DPP6: variants seen among roughly 807,000 people sequenced by gnomAD.
DPP6 encodes the protein A-type potassium channel modulatory protein DPP6.
Under a neutral mutation model 122.6 loss-of-function variants are expected in DPP6, and 69 were observed. That is an observed-to-expected ratio of 0.56 (90% CI 0.46 to 0.69). The LOEUF is 0.69. Ranked by LOEUF, DPP6 falls within the 30% of genes least tolerant of loss-of-function variation. DPP6 has a pLI of 0.00. For synonymous variants in DPP6, 418 were observed against 433.1 expected, an observed-to-expected ratio of 0.97 and a Z score of 0.43; for missense variants, 928 against 1,116.9, an observed-to-expected ratio of 0.83 and a Z score of 2.41.
chr7:154,374,951 T>C (rs1469681667), intron 1 of DPP6, among the ~76,000 whole-genome samples: 1 of 152,206 alleles, frequency 6.6e-6, no homozygotes, highest in African/African-American at 2.4e-5. Context: ...CAAATATCTC[T>C]AAGTACTCAT....
At chr7:153,999,980 GAAA>G (rs3980025) in intron 1 of DPP6, among the ~76,000 whole-genome samples, 99 of 143,080 alleles carry the variant, frequency 6.9e-4, no homozygotes, top group Middle Eastern at 7.0e-3. Context: ...AAGAAAGAAA[GAAA>G]AAAAAAACTC....
chr7:154,273,253 G>T (rs957936333), intron 1 of DPP6, among the ~76,000 whole-genome samples: 3 of 152,148 alleles, frequency 2.0e-5, no homozygotes, highest in Admixed American at 6.5e-5. Flanking sequence ...CGACACTATG[G>T]TGAAGGAGGC....
chr7:153,887,407 T>C, exon 1 of DPP6: 1 of 339,502 alleles, frequency 2.9e-6, no homozygotes, highest in Non-Finnish European at 5.4e-6. Context: ...CCTGGCTTTT[T>C]GTTTAAAGCA....
intron 1 of DPP6, among the ~76,000 whole-genome samples, chr7:154,008,571 C>A (rs528487274): frequency 6.6e-6 from 1 of 152,190 alleles, no homozygotes; most frequent in African/African-American, 2.4e-5. Flanking sequence ...ATCCTGAGAA[C>A]CTTCTCTCTG....
the DPP6 span, among the ~76,000 whole-genome samples, chr7:153,820,984 T>C: frequency 6.7e-6 from 1 of 149,216 alleles, no homozygotes; most frequent in Non-Finnish European, 1.5e-5. Context: ...ACCGGCAAAA[T>C]TGCTTTTCTC....
intron 16 of DPP6, among the ~76,000 whole-genome samples, chr7:154,817,706 G>A (rs1412991538): frequency 6.6e-6 from 1 of 152,076 alleles, no homozygotes; most frequent in African/African-American, 2.4e-5. Context: ...TGAGCATCAT[G>A]AGTGATTGAT....
At chr7:154,806,746 C>G (rs1798718739) in intron 15 of DPP6, among the ~76,000 whole-genome samples, 1 of 152,180 alleles carries the variant, frequency 6.6e-6, no homozygotes, top group South Asian at 2.1e-4. Context: ...TGACTGCCTT[C>G]CAGCCCTCCC....
the DPP6 span, among the ~76,000 whole-genome samples, chr7:153,870,682 G>A: frequency 2.4e-4 from 37 of 152,268 alleles, 1 homozygote; most frequent in South Asian, 4.6e-3. Flanking sequence ...GCTCTGTTCC[G>A]TTGCTGGTGA....
chr7:153,845,336 C>T, the DPP6 span, among the ~76,000 whole-genome samples: 695 of 152,048 alleles, frequency 4.6e-3, 2 homozygotes, highest in South Asian at 0.011. Flanking sequence ...TTGAAGCCCT[C>T]GTTTCATAAA....
intron 4 of DPP6, among the ~76,000 whole-genome samples, chr7:154,554,736 A>G (rs1466144335): frequency 6.6e-6 from 1 of 152,190 alleles, no homozygotes; most frequent in African/African-American, 2.4e-5. Flanking sequence ...GTATATACCC[A>G]TCTCTCTAGT....
At chr7:153,819,903 T>A in the DPP6 span, among the ~76,000 whole-genome samples, 1 of 152,224 alleles carries the variant, frequency 6.6e-6, no homozygotes, top group Non-Finnish European at 1.5e-5. Context: ...TTTTTCTTCT[T>A]TATATTTTGC....
At chr7:154,100,194 T>TTTTATTTTTTA (rs1161542216) in intron 1 of DPP6, among the ~76,000 whole-genome samples, 1 of 106,920 alleles carries the variant, frequency 9.4e-6, no homozygotes, top group Admixed American at 1.0e-4. Flanking sequence ...GAAGTGGGAG[T>TTTTATTTTTTA]TTTATTTTTT....
At chr7:154,882,465 G>A (rs1980351) in intron 21 of DPP6, among the ~76,000 whole-genome samples, 43,422 of 152,064 alleles carry the variant, frequency 0.29, 6,459 homozygotes, top group East Asian at 0.44. Flanking sequence ...AGAATAAAGC[G>A]TCAATCCTTT....
chr7:153,823,221 C>T, the DPP6 span, among the ~76,000 whole-genome samples: 1 of 137,172 alleles, frequency 7.3e-6, no homozygotes, highest in African/African-American at 3.6e-5. Flanking sequence ...ATTTAATTTG[C>T]AAGCTCTCCA....
At chr7:154,564,513 T>G (rs1351056481) in intron 4 of DPP6, among the ~76,000 whole-genome samples, 1 of 152,156 alleles carries the variant, frequency 6.6e-6, no homozygotes, top group Non-Finnish European at 1.5e-5. Flanking sequence ...CCAAAAACAT[T>G]TTTGAAAAAG....
intron 1 of DPP6, among the ~76,000 whole-genome samples, chr7:154,248,658 G>A (rs1802145741): frequency 6.6e-6 from 1 of 152,142 alleles, no homozygotes; most frequent in Non-Finnish European, 1.5e-5. Flanking sequence ...TTGACATCAG[G>A]AGTCTGAGAG....
chr7:154,539,217 T>G (rs1266801920), intron 3 of DPP6, among the ~76,000 whole-genome samples: 15 of 152,196 alleles, frequency 9.9e-5, no homozygotes, highest in Admixed American at 9.8e-4. Context: ...CCTCTCAACC[T>G]GCAACCCTAC....
intron 15 of DPP6, among the ~76,000 whole-genome samples, chr7:154,806,001 GC>G (rs1279903152): frequency 2.6e-5 from 4 of 152,220 alleles, no homozygotes. Context: ...ACATTGGGAA[GC>G]CCCCCTGGTG....
Position 154,284,506 on chromosome 7 carries a change from C to T in DPP6, c.244-161708C>T, listed in dbSNP as rs149954778. 5.5e-3 allele frequency among the ~76,000 whole-genome samples: 837 copies of T among 152,264 alleles called. 4 individuals carry two copies. Among genetic ancestry groups the T allele is most frequent in the African/African-American group, 0.017 (719 of 41,544 alleles). ...ATCCGTACAATGGAATATTATTCAG[C>T]CTTAAAAAGAAATGAAGTTCTGATA... On this transcript the variant is annotated intron_variant, in intron 1 of 25. Coordinates refer to ENST00000377770, the MANE Select transcript of DPP6 (RefSeq NM_130797.4).
Sources: gnomAD v4.1 joint callset for allele counts (sites outside exome capture counted in the v4.1 genomes callset) on GRCh38, gnomAD v4.1.1 for gene constraint, MANE v1.5 for transcripts, NCBI Gene and HGNC (gene_info 2026-07-23, HGNC 2026-07-21) for gene names.